NR6A1: variants seen among roughly 807,000 people sequenced by gnomAD.
The protein encoded by NR6A1 is nuclear receptor subfamily 6 group A member 1.
In NR6A1, 7 loss-of-function variants were observed where a neutral mutation model predicts 59.1. The observed-to-expected ratio is 0.12, with a 90% CI of 0.07 to 0.22. NR6A1 has a LOEUF of 0.22. Among genes scored for constraint, NR6A1 ranks in the 10% least tolerant of loss-of-function variants. NR6A1 has a pLI of 1.00. For missense variants in NR6A1, 468 were observed against 611.6 expected (o/e 0.77, Z 2.48); for synonymous variants, 243 against 236.1 (o/e 1.03, Z -0.27).
At chr9:124,658,458 G>A (rs536619255) in intron 2 of NR6A1, 1 of 152,278 alleles carries the variant, frequency 6.6e-6, no homozygotes, top group South Asian at 2.1e-4. Flanking sequence ...AATCTGGCGC[G>A]GTTCAATACC....
chr9:124,754,361 T>C (rs748917638), intron 1 of NR6A1, among the ~76,000 whole-genome samples: 6 of 152,236 alleles, frequency 3.9e-5, no homozygotes, highest in Non-Finnish European at 7.3e-5. Context: ...GTTTTAAATA[T>C]TTGGACAGTT....
intron 2 of NR6A1, among the ~76,000 whole-genome samples, chr9:124,655,191 G>A (rs1011598322): frequency 1.3e-5 from 2 of 152,120 alleles, no homozygotes; most frequent in African/African-American, 2.4e-5. Flanking sequence ...ATTTGGAGCC[G>A]ATGCCTGAGC....
intron 2 of NR6A1, among the ~76,000 whole-genome samples, chr9:124,698,051 AG>A (rs941852312): frequency 2.0e-5 from 3 of 152,220 alleles, no homozygotes; most frequent in Non-Finnish European, 4.4e-5. Context: ...AAAAGCAGAC[AG>A]GAAGTTCAAA....
intron 2 of NR6A1, among the ~76,000 whole-genome samples, chr9:124,686,983 G>A (rs966375586): frequency 6.6e-6 from 1 of 152,028 alleles, no homozygotes; most frequent in East Asian, 1.9e-4. Flanking sequence ...GGGATTACAG[G>A]CATGAGCCAC....
intron 1 of NR6A1, among the ~76,000 whole-genome samples, chr9:124,753,466 A>T (rs898987095): frequency 6.6e-6 from 1 of 152,198 alleles, no homozygotes; most frequent in African/African-American, 2.4e-5. Flanking sequence ...TATATTAGAA[A>T]ATGACAAAAA....
chr9:124,755,965 T>C (rs1483219383), intron 1 of NR6A1, among the ~76,000 whole-genome samples: 1 of 152,178 alleles, frequency 6.6e-6, no homozygotes, highest in African/African-American at 2.4e-5. Context: ...AATGACACTT[T>C]GAAAAATGCC....
intron 2 of NR6A1, among the ~76,000 whole-genome samples, chr9:124,642,811 T>C (rs1162010934): frequency 6.6e-6 from 1 of 152,034 alleles, no homozygotes; most frequent in African/African-American, 2.4e-5. Flanking sequence ...GTGGAAGCCA[T>C]GAGAGAGGGA....
intron 2 of NR6A1, among the ~76,000 whole-genome samples, chr9:124,611,056 A>G (rs1835727373): frequency 6.6e-6 from 1 of 151,944 alleles, no homozygotes; most frequent in African/African-American, 2.4e-5. Flanking sequence ...CTTCTTCAAA[A>G]CTTACTGTGC....
At chr9:124,740,876 G>A (rs754353167) in intron 1 of NR6A1, among the ~76,000 whole-genome samples, 3 of 152,080 alleles carry the variant, frequency 2.0e-5, no homozygotes, top group Non-Finnish European at 4.4e-5. Flanking sequence ...CCAGCCCTGG[G>A]CCTGAGACAT....
At chr9:124,589,414 C>T (rs753274805) in intron 2 of NR6A1, among the ~76,000 whole-genome samples, 1 of 152,192 alleles carries the variant, frequency 6.6e-6, no homozygotes, top group Non-Finnish European at 1.5e-5. Flanking sequence ...CCACTGCACT[C>T]CGGCCTGGGC....
chr9:124,594,894 C>T (rs1164416984), intron 2 of NR6A1, among the ~76,000 whole-genome samples: 1 of 152,182 alleles, frequency 6.6e-6, no homozygotes, highest in East Asian at 1.9e-4. Flanking sequence ...CCAGCTATTT[C>T]GTAGGGTTAA....
At chr9:124,568,655 T>A (rs937346873) in intron 2 of NR6A1, among the ~76,000 whole-genome samples, 4 of 151,882 alleles carry the variant, frequency 2.6e-5, no homozygotes, top group Non-Finnish European at 5.9e-5. Flanking sequence ...ATTAAGTGAC[T>A]TGCCCAGGGT....
At position 124,699,563 on chromosome 9, in the gene NR6A1, C is replaced by T. The variant is rs117250128; in HGVS notation, c.142+33745G>A. Reference sequence around the variant, plus strand: ...CCCCATCTGATCAATGAACTTAAATCATTTTGTCAAGACGTCCCTTCCTTT... The same window carrying T: ...CCCCATCTGATCAATGAACTTAAATTATTTTGTCAAGACGTCCCTTCCTTT... On this transcript the variant is annotated intron_variant, in intron 2 of 9. Transcript: ENST00000487099. Among the ~76,000 whole-genome samples the T allele has an allele frequency of 6.4e-3, 979 of 152,296 alleles. 4 individuals carry two copies. The highest frequency in any genetic ancestry group is 0.01 in the Middle Eastern group (3 of 294).
chr9:124,618,999 A>C (rs945484484), intron 2 of NR6A1, among the ~76,000 whole-genome samples: 1 of 152,226 alleles, frequency 6.6e-6, no homozygotes, highest in African/African-American at 2.4e-5. Flanking sequence ...TTCCACTTCC[A>C]GGGTTTTACG....
At chr9:124,551,205 T>C (rs1833767860) in intron 3 of NR6A1, among the ~76,000 whole-genome samples, 1 of 152,186 alleles carries the variant, frequency 6.6e-6, no homozygotes, top group South Asian at 2.1e-4. Context: ...CTGGGTGTAC[T>C]CATTGCTCCT....
rs572450654 is a variant in NR6A1, at chr9:124,605,056, T to C, written c.143-50486A>G. ...ATTACAAAAAGAAAGAACAAGACAG[T>C]ACATATCTTCTGATGGAAGAACTCA... On this transcript the variant is annotated intron_variant, in intron 2 of 9. Coordinates refer to ENST00000487099, the MANE Select transcript of NR6A1 (RefSeq NM_033334.4). 2.3e-3 allele frequency among the ~76,000 whole-genome samples: 356 copies of C among 152,252 alleles called. 2 individuals carry two copies. The highest frequency in any genetic ancestry group is 3.9e-3 in the Non-Finnish European group (264 of 68,016).
chr9:124,551,233 C>T (rs910978368), intron 3 of NR6A1, among the ~76,000 whole-genome samples: 2 of 152,144 alleles, frequency 1.3e-5, no homozygotes, highest in African/African-American at 2.4e-5. Flanking sequence ...CTGCTTCTAG[C>T]CCCTCTCAGT....
chr9:124,703,457 C>T (rs915431795), intron 2 of NR6A1, among the ~76,000 whole-genome samples: 24 of 151,900 alleles, frequency 1.6e-4, no homozygotes, highest in African/African-American at 5.8e-4. Flanking sequence ...ATCCTCCCAC[C>T]TCAGCCTCCC....
intron 2 of NR6A1, among the ~76,000 whole-genome samples, chr9:124,555,371 AG>A (rs1253672742): frequency 3.3e-5 from 5 of 152,210 alleles, no homozygotes; most frequent in Non-Finnish European, 5.9e-5. Context: ...AGAAATCACC[AG>A]GGAAGGTTCC....
Sources: gnomAD v4.1 joint callset for allele counts (sites outside exome capture counted in the v4.1 genomes callset) on GRCh38, gnomAD v4.1.1 for gene constraint, MANE v1.5 for transcripts, NCBI Gene and HGNC (gene_info 2026-07-23, HGNC 2026-07-21) for gene names.